The following CEP43 variants were observed in gnomAD, a reference collection of about 807,000 sequenced individuals.
CEP43 encodes FGFR1 oncogene partner.
CEP43 carries 36 observed loss-of-function variants against 52.6 expected under a neutral mutation model. That is an observed-to-expected ratio of 0.68 (90% CI 0.52 to 0.90). The LOEUF (loss-of-function observed/expected upper bound fraction) is 0.90, where lower values mean the gene tolerates loss of function less well. CEP43 is among the 40% of genes least tolerant of loss of function. The pLI is 0.00. For missense variants in CEP43, 506 were observed against 472.8 expected (o/e 1.07, Z -0.65); for synonymous variants, 192 against 172.4 (o/e 1.11, Z -0.89).
Position 167,000,048 on chromosome 6 carries a change from C to CT in CEP43, c.103-4dup, listed in dbSNP as rs768165003. ...GAAATTATAATTTCCTGTTTCTTAA[C>CT]TTTTTTTTAAGGCTGAACTCCGAGC... is the stretch of plus-strand genomic sequence containing the variant. On this transcript the variant is annotated splice_polypyrimidine_tract_variant and intron_variant, in intron 1 of 12. Transcript: ENST00000366847. 1.6e-5 allele frequency: 25 copies of CT among 1,600,054 alleles called. No homozygotes were observed. The highest frequency in any genetic ancestry group is 4.4e-5 in the South Asian group (4 of 90,228).
rs534031206 is a variant in CEP43, at chr6:167,047,025, G to A, written c.*7047G>A. 1 of 152,386 alleles carries A rather than the reference G, an allele frequency of 6.6e-6. No homozygotes were observed. The highest frequency in any genetic ancestry group is 6.5e-5 in the Admixed American group (1 of 15,286). The allele number at this position is 152,386 out of a possible 1,614,324, so 9.4% of individuals were successfully genotyped here. A position where few individuals can be genotyped will look rare whatever the true frequency, so the allele number is the denominator to read the frequency against. On this transcript the variant is annotated 3_prime_UTR_variant, in exon 13 of 13. Transcript: ENST00000366847. ...GGAAGCACTTGGCTCTCCAGCATGT[G>A]CTGAATAGGGGGCGCTGCCTGCAAT...
intron 5 of CEP43, 41 bp downstream of exon 5, chr6:167,004,442 T>C (rs1270483210): frequency 1.3e-6 from 2 of 1,545,092 alleles, no homozygotes; most frequent in Non-Finnish European, 1.7e-6. Context: ...TTTTAATTAT[T>C]GGCTGCTTAG....
chr6:167,003,812 G>A lies in CEP43; in HGVS notation c.300+1G>A. ...TGTTTTTCAACCTGAAACTAGCACA[G>A]TAAGAATAATGATTTTTACATCTAT... On this transcript the variant is annotated splice_donor_variant, in intron 4 of 12. Coordinates refer to ENST00000366847, the MANE Select transcript of CEP43 (RefSeq NM_007045.4). LOFTEE classifies it high-confidence loss of function. The A allele has an allele frequency of 6.4e-7, 1 of 1,567,992 alleles. No homozygotes were observed. Among genetic ancestry groups the A allele is most frequent in the Non-Finnish European group, 8.8e-7 (1 of 1,140,490 alleles).
intron 1 of CEP43, 49 bp downstream of exon 1, chr6:166,999,563 T>A: frequency 1.6e-6 from 2 of 1,272,440 alleles, no homozygotes; most frequent in Non-Finnish European, 1.0e-6. Context: ...AGGGCTTGCG[T>A]GGACAGCGGG....
At chr6:167,036,619 G>A (rs566024634) in intron 12 of CEP43, 4 of 985,354 alleles carry the variant, frequency 4.1e-6, no homozygotes, top group South Asian at 9.4e-5. Flanking sequence ...ACAAGTTCCC[G>A]TCGATTTGTA....
At chr6:167,021,072 GAAAAAA>G (rs5881725) in intron 7 of CEP43, among the ~76,000 whole-genome samples, 52,218 of 143,934 alleles carry the variant, frequency 0.36, 10,266 homozygotes, top group Non-Finnish European at 0.47. Context: ...TCTTAAAAAA[GAAAAAA>G]AAAAAAAAGA....
intron 10 of CEP43, among the ~76,000 whole-genome samples, chr6:167,030,234 C>T (rs73030106): frequency 0.02 from 3,084 of 152,304 alleles, 50 homozygotes; most frequent in East Asian, 0.091. Flanking sequence ...CAGCCACAGC[C>T]GTCCTCGCTG....
chr6:167,004,808 CT>C (rs771705603), intron 5 of CEP43, among the ~76,000 whole-genome samples: 23 of 152,280 alleles, frequency 1.5e-4, no homozygotes, highest in Middle Eastern at 3.4e-3. Flanking sequence ...ATTAAAACAT[CT>C]TATTTAAATA....
intron 12 of CEP43, chr6:167,036,904 A>T (rs1583293332): frequency 3.5e-6 from 1 of 288,520 alleles, no homozygotes; most frequent in Non-Finnish European, 5.2e-6. Context: ...GCCTCCTGGG[A>T]TCAAGCAATT....
At chr6:167,007,911 T>C (rs1307704831) in intron 5 of CEP43, among the ~76,000 whole-genome samples, 9 of 152,232 alleles carry the variant, frequency 5.9e-5, no homozygotes, top group African/African-American at 1.4e-4. Flanking sequence ...TAGGTCCTTA[T>C]ATCTGTCCAG....
At chr6:167,004,644 AAACTGTC>A (rs1779811336) in intron 5 of CEP43, among the ~76,000 whole-genome samples, 1 of 55,882 alleles carries the variant, frequency 1.8e-5, no homozygotes, top group South Asian at 8.3e-4. Flanking sequence ...GTCATGAGCT[AAACTGTC>A]TGGAACAAAT....
In CEP43 at chr6:167,002,768, TAAGA is replaced by T. The variant is rs1226455193; in HGVS notation, c.157-424_157-421del. 1.3e-4 allele frequency among the ~76,000 whole-genome samples: 20 copies of T among 152,256 alleles called. 1 individual carries two copies. Among genetic ancestry groups the T allele is most frequent in the African/African-American group, 4.8e-4 (20 of 41,468 alleles). The stretch of plus-strand genomic sequence containing the variant: ...AAAATAAGTTGGCCTATGGGCCGCA[TAAGA>T]TCATCTCACATTTCATGGATAAACT... On this transcript the variant is annotated intron_variant, in intron 2 of 12. Coordinates refer to ENST00000366847, the MANE Select transcript of CEP43 (RefSeq NM_007045.4).
At chr6:167,000,511 A>C (rs1008635897) in intron 2 of CEP43, among the ~76,000 whole-genome samples, 13 of 152,222 alleles carry the variant, frequency 8.5e-5, no homozygotes, top group African/African-American at 2.9e-4. Context: ...AATTATTTTG[A>C]CAATGAAAAA....
rs145734933 is a variant in CEP43, at chr6:167,036,658, T to A, written c.1125+2687T>A. On this transcript the variant is annotated intron_variant, in intron 12 of 12. Transcript: ENST00000366847. ...AGCTTGCTATCACAGGGATCCTTTGTTTCCCTTTCAAGACTCAAAATGTAC... is the reference window on the plus strand; with the variant it reads ...AGCTTGCTATCACAGGGATCCTTTGATTCCCTTTCAAGACTCAAAATGTAC... The A allele has an allele frequency of 5.4e-5, 53 of 985,126 alleles. No homozygotes were observed. The African/African-American group carries it at 8.7e-4, about 16-fold the overall frequency. 61.0% of individuals were successfully genotyped at this position (985,126 alleles called of 1,614,324 possible).
chr6:167,048,987 TC>T lies in CEP43; in HGVS notation c.*9010del, dbSNP rs1038251045. 2 of 152,208 alleles carry T rather than the reference TC, an allele frequency of 1.3e-5. No individual in the cohort carries two copies. The highest frequency in any genetic ancestry group is 2.9e-5 in the Non-Finnish European group (2 of 68,034). 9.4% of individuals were successfully genotyped at this position (152,208 alleles called of 1,614,324 possible). A position where few individuals can be genotyped will look rare whatever the true frequency, so the allele number is the denominator to read the frequency against. On this transcript the variant is annotated 3_prime_UTR_variant, in exon 13 of 13. Transcript: ENST00000366847. ...CTTAAAACCTCTCAAGAATTAAAAA[TC>T]ATTTTTGATCAACAGAGTAAACTGA...
intron 7 of CEP43, among the ~76,000 whole-genome samples, chr6:167,014,385 A>G (rs1780048559): frequency 6.6e-6 from 1 of 152,148 alleles, no homozygotes; most frequent in Admixed American, 6.5e-5. Flanking sequence ...CTGCTTTTTC[A>G]TCCTCTCCTA....
chr6:167,004,728 A>G (rs978227157), intron 5 of CEP43, among the ~76,000 whole-genome samples: 5 of 137,306 alleles, frequency 3.6e-5, no homozygotes, highest in Admixed American at 1.5e-4. Flanking sequence ...GGGCTCTACC[A>G]GGCCCTACCT....
At chr6:166,999,543 GC>G in intron 1 of CEP43, 29 bp downstream of exon 1, 1 of 1,375,272 alleles carries the variant, frequency 7.3e-7, no homozygotes, top group South Asian at 1.6e-5. Flanking sequence ...GCCGGGCCTG[GC>G]GGATCCGCAG....
chr6:167,011,124 C>CAGCTGGTA (rs777380798), intron 6 of CEP43, among the ~76,000 whole-genome samples: 11 of 152,066 alleles, frequency 7.2e-5, no homozygotes, highest in Admixed American at 1.3e-4. Flanking sequence ...TGGTAAGTAA[C>CAGCTGGTA]AGAATCATAG....
Sources: gnomAD v4.1 joint callset for allele counts (sites outside exome capture counted in the v4.1 genomes callset) on GRCh38, gnomAD v4.1.1 for gene constraint, MANE v1.5 for transcripts, NCBI Gene and HGNC (gene_info 2026-07-23, HGNC 2026-07-21) for gene names.